DLG2: variants seen among roughly 807,000 people sequenced by gnomAD.
The protein encoded by DLG2 is discs large MAGUK scaffold protein 2, also known as disks large homolog 2.
Under a neutral mutation model 132.5 loss-of-function variants are expected in DLG2, and 45 were observed. The ratio of observed to expected loss-of-function variants is 0.34; its 90% CI spans 0.27 to 0.44. DLG2 has a LOEUF of 0.44. Among genes scored for constraint, DLG2 ranks in the 20% least tolerant of loss-of-function variants. The pLI is 1.00. For synonymous variants in DLG2, 424 were observed against 419.6 expected, an observed-to-expected ratio of 1.01 and a Z score of -0.13; for missense variants, 1,045 against 1,196.9, an observed-to-expected ratio of 0.87 and a Z score of 1.87.
intron 6 of DLG2, among the ~76,000 whole-genome samples, chr11:84,901,546 TTAA>T (rs1323247526): frequency 8.5e-5 from 9 of 106,328 alleles, no homozygotes; most frequent in African/African-American, 1.7e-4. Context: ...TGAAAGTTAA[TTAA>T]TCTTAAACTC....
At chr11:85,247,428 T>C (rs2076192130) in intron 4 of DLG2, among the ~76,000 whole-genome samples, 1 of 151,948 alleles carries the variant, frequency 6.6e-6, no homozygotes, top group South Asian at 2.1e-4. Context: ...TCTCAGTGAG[T>C]CCTTCCTGGC....
intron 6 of DLG2, among the ~76,000 whole-genome samples, chr11:84,934,515 G>GGTTGT (rs1566441569): frequency 2.5e-5 from 1 of 40,510 alleles, no homozygotes; most frequent in East Asian, 1.2e-3. Context: ...TTTTTTTTTT[G>GGTTGT]TTTTGTTTTG....
chr11:83,694,980 C>A (rs1338382960), intron 18 of DLG2, among the ~76,000 whole-genome samples: 3 of 152,184 alleles, frequency 2.0e-5, no homozygotes, highest in Non-Finnish European at 4.4e-5. Flanking sequence ...TTTGCATTAC[C>A]AATATGCTGA....
At chr11:83,654,225 G>T (rs2071589953) in intron 18 of DLG2, among the ~76,000 whole-genome samples, 1 of 151,944 alleles carries the variant, frequency 6.6e-6, no homozygotes, top group Non-Finnish European at 1.5e-5. Flanking sequence ...AGGATGATTT[G>T]GACTCTGTCA....
chr11:85,480,630 A>T (rs2093265862), intron 3 of DLG2, among the ~76,000 whole-genome samples: 1 of 152,226 alleles, frequency 6.6e-6, no homozygotes, highest in African/African-American at 2.4e-5. Context: ...AAATTCCCAA[A>T]TGTTAACTAT....
intron 7 of DLG2, among the ~76,000 whole-genome samples, chr11:84,369,530 G>C (rs995680088): frequency 6.6e-6 from 1 of 152,032 alleles, no homozygotes; most frequent in Non-Finnish European, 1.5e-5. Flanking sequence ...AGCTTTTCTT[G>C]GGGGGAGATG....
intron 4 of DLG2, among the ~76,000 whole-genome samples, chr11:85,261,810 G>C (rs1286060114): frequency 2.0e-5 from 3 of 152,118 alleles, no homozygotes; most frequent in Admixed American, 1.3e-4. Flanking sequence ...TGAGGAGAAG[G>C]GTCCCTGATA....
intron 5 of DLG2, among the ~76,000 whole-genome samples, chr11:85,130,649 C>T (rs1236449376): frequency 6.6e-6 from 1 of 152,100 alleles, no homozygotes; most frequent in African/African-American, 2.4e-5. Flanking sequence ...GCACCTTAGC[C>T]AGAGCTATTG....
intron 10 of DLG2, among the ~76,000 whole-genome samples, chr11:84,077,349 A>G (rs113174667): frequency 2.6e-5 from 4 of 152,200 alleles, no homozygotes; most frequent in African/African-American, 9.7e-5. Context: ...TGCCAAATCT[A>G]ATGAGATCTC....
chr11:83,787,340 T>TTTTTTTTTTTTTTTTG lies in DLG2; in HGVS notation c.1723-549_1723-548insCAAAAAAAAAAAAAAA, dbSNP rs66699053. Among the ~76,000 whole-genome samples the TTTTTTTTTTTTTTTTG allele has an allele frequency of 9.7e-5, 10 of 102,744 alleles. 4 individuals are homozygous for TTTTTTTTTTTTTTTTG. The highest frequency in any genetic ancestry group is 1.7e-4 in the African/African-American group (4 of 23,880). The allele number at this position is 102,744 out of a possible 152,430, so 67.4% of individuals were successfully genotyped here. ...TTTTTTTTGTTTTTTTTTTTTTTTT[T>TTTTTTTTTTTTTTTTG]AGACAGAGTCTCGCTCTTTCGCCCA... On this transcript the variant is annotated intron_variant, in intron 17 of 27. Coordinates refer to ENST00000376104, the MANE Select transcript of DLG2 (RefSeq NM_001142699.3).
intron 3 of DLG2, among the ~76,000 whole-genome samples, chr11:85,471,112 A>G (rs1597642544): frequency 6.6e-6 from 1 of 152,216 alleles, no homozygotes; most frequent in East Asian, 1.9e-4. Context: ...CCGAATCATA[A>G]TATCAGAGTT....
intron 16 of DLG2, 137 bp downstream of exon 16, chr11:83,874,283 G>GGGGA (rs1462634696): frequency 2.0e-5 from 9 of 449,984 alleles, no homozygotes; most frequent in Non-Finnish European, 3.0e-5. Flanking sequence ...AAGGGGAGAA[G>GGGGA]GAAGGAAGGG....
At chr11:84,283,045 T>A (rs1413718730) in intron 7 of DLG2, among the ~76,000 whole-genome samples, 6 of 152,230 alleles carry the variant, frequency 3.9e-5, no homozygotes, top group Admixed American at 3.9e-4. Context: ...ATCTCTCTCC[T>A]GTGATAGAGT....
At chr11:84,286,819 T>G (rs150298181) in intron 7 of DLG2, among the ~76,000 whole-genome samples, 1 of 152,328 alleles carries the variant, frequency 6.6e-6, no homozygotes, top group Non-Finnish European at 1.5e-5. Context: ...GGCTTTGTAA[T>G]GTTAGAATCC....
chr11:85,285,472 G>A, intron 3 of DLG2, 107 bp from the exon 4 acceptor site: 1 of 993,884 alleles, frequency 1.0e-6, no homozygotes, highest in Non-Finnish European at 1.5e-6. Flanking sequence ...CTGATTAAAA[G>A]AACTGCATAA....
intron 6 of DLG2, among the ~76,000 whole-genome samples, chr11:85,098,895 G>T (rs2152264702): frequency 6.6e-6 from 1 of 152,288 alleles, no homozygotes; most frequent in East Asian, 1.9e-4. Flanking sequence ...TTCCCTCACT[G>T]CTATCCCTTC....
chr11:84,962,659 C>T (rs1233221328), intron 6 of DLG2, among the ~76,000 whole-genome samples: 1 of 152,142 alleles, frequency 6.6e-6, no homozygotes, highest in African/African-American at 2.4e-5. Context: ...ACAGGATGTG[C>T]TCACTAAATA....
At chr11:84,802,365 CCAGCAGCAGCAGCAGCAGCAG>C (rs371131136) in intron 6 of DLG2, among the ~76,000 whole-genome samples, 17 of 150,042 alleles carry the variant, frequency 1.1e-4, no homozygotes, top group Non-Finnish European at 1.3e-4. Context: ...ACTCCGGAAC[CCAGCAGCAGCAGCAGCAGCAG>C]CAGCAGCAGC....
intron 10 of DLG2, 112 bp downstream of exon 10, chr11:84,098,811 T>C: frequency 1.6e-6 from 2 of 1,267,150 alleles, no homozygotes; most frequent in South Asian, 1.4e-5. Context: ...GCCTTAAAAA[T>C]CTCTTTCAAG....
Sources: allele counts gnomAD v4.1 joint callset (sites outside exome capture counted in the v4.1 genomes callset), GRCh38; gene constraint gnomAD v4.1.1; transcripts MANE v1.5; gene names NCBI Gene and HGNC (gene_info 2026-07-23, HGNC 2026-07-21).